The following N4BP2 variants were observed in gnomAD, a reference collection of about 807,000 sequenced individuals.
N4BP2 encodes the protein NEDD4 binding protein 2, also known as NEDD4-binding protein 2.
A neutral mutation model predicts 152.8 loss-of-function variants in N4BP2; 91 were observed. That is an observed-to-expected ratio of 0.60 (90% CI 0.50 to 0.71). The LOEUF (loss-of-function observed/expected upper bound fraction) is 0.71. Ranked by LOEUF, N4BP2 falls within the 30% of genes least tolerant of loss-of-function variation. The probability of loss-of-function intolerance (pLI) is 0.00; values close to 1 mark genes in which losing one functional copy is unlikely to be tolerated. For missense variants in N4BP2, 1,923 were observed against 2,059.1 expected, an observed-to-expected ratio of 0.93 and a Z score of 1.28; for synonymous variants, 646 against 705.3, an observed-to-expected ratio of 0.92 and a Z score of 1.33.
At chr4:40,078,395 C>G (rs1377962584) in intron 2 of N4BP2, among the ~76,000 whole-genome samples, 1 of 152,076 alleles carries the variant, frequency 6.6e-6, no homozygotes, top group Non-Finnish European at 1.5e-5. Flanking sequence ...CCTCGGCCAC[C>G]CAAAGTGCTG....
In N4BP2 at chr4:40,137,088, G is replaced by C. The variant is rs1315992710; in HGVS notation, c.4785+6G>C. 2 of 1,595,766 alleles carry C rather than the reference G, an allele frequency of 1.3e-6. No homozygotes were observed. The highest frequency in any genetic ancestry group is 8.5e-7 in the Non-Finnish European group (1 of 1,171,900). Reference sequence around the variant, plus strand: ...AGAAGTCTAAAGAGAAAAAGGTATGGAGTTACTAATTTTTTTTCTACAAGG... The same window carrying C: ...AGAAGTCTAAAGAGAAAAAGGTATGCAGTTACTAATTTTTTTTCTACAAGG... On this transcript the variant is annotated splice_donor_region_variant and intron_variant, in intron 14 of 17. Transcript: ENST00000261435.
chr4:40,183,007 G>T, the N4BP2 span, among the ~76,000 whole-genome samples: 1 of 152,072 alleles, frequency 6.6e-6, no homozygotes, highest in Admixed American at 6.6e-5. Flanking sequence ...TAAAAATTGT[G>T]TAAGTTCCAA....
In N4BP2 at chr4:40,126,226, T is replaced by A. The variant is rs1579089319; in HGVS notation, c.4423T>A (p.Ser1475Thr). 2 of 1,608,910 alleles carry A rather than the reference T, an allele frequency of 1.2e-6. No individual in the cohort carries two copies. Among genetic ancestry groups the A allele is most frequent in the Non-Finnish European group, 1.7e-6 (2 of 1,177,156 alleles). ...GKKLLKTLTA[S>T]EMLPLLDHWN... The stretch of plus-strand genomic sequence containing the variant: ...AAAATTACTGAAGACTTTAACAGCA[T>A]CTGAAATGCTACCTTTATTGGATCA... The change falls in exon 12 of 18, where the codon TCT (serine) becomes ACT (threonine). Residue 1475 changes from serine (S) to threonine (T), a missense_variant. Ser to Thr is a moderately conservative substitution (Grantham distance 58, BLOSUM62 1). Transcript: ENST00000261435.
Position 40,131,908 on chromosome 4 carries a change from C to G in N4BP2, c.4635C>G (p.Phe1545Leu), listed in dbSNP as rs746157362. The G allele has an allele frequency of 2.5e-6, 4 of 1,582,712 alleles. No individual in the cohort carries two copies. Among genetic ancestry groups the G allele is most frequent in the Non-Finnish European group, 2.6e-6 (3 of 1,151,724 alleles). Residue 1545 changes from phenylalanine to leucine, a missense_variant, in exon 13 of 18, where the codon TTC becomes TTG. Coordinates refer to ENST00000261435, the MANE Select transcript of N4BP2 (RefSeq NM_018177.6). ...AINQNFLVDI[F>L]KDHNYSLEHT... ...ACCAAAATTTTCTGGTGGACATTTT[C>G]AAGGACCACAAGTGAGTGCTAGAAG...
At chr4:40,149,049 A>C (rs577006121) in intron 16 of N4BP2, among the ~76,000 whole-genome samples, 2 of 152,228 alleles carry the variant, frequency 1.3e-5, no homozygotes, top group African/African-American at 4.8e-5. Context: ...GAAAAATTTC[A>C]CTAGTTCTTT....
At chr4:40,142,059 G>T (rs1720042189) in intron 14 of N4BP2, 1 of 153,990 alleles carries the variant, frequency 6.5e-6, no homozygotes, top group Admixed American at 6.6e-5. Flanking sequence ...CTTCGGCTCG[G>T]TATCAGAGGG....
chr4:40,158,568 C>T (rs9990921), downstream of N4BP2, among the ~76,000 whole-genome samples: 4,150 of 152,116 alleles, frequency 0.027, 184 homozygotes, highest in African/African-American at 0.094. Context: ...GAGGCTGAGA[C>T]GGGCAGGTTG....
chr4:40,123,272 C>A, intron 10 of N4BP2, 60 bp downstream of exon 10: 1 of 1,138,724 alleles, frequency 8.8e-7, no homozygotes, highest in Non-Finnish European at 1.3e-6. Context: ...CTTTGAATTT[C>A]AGTGAAATCT....
chr4:40,168,061 C>T, the N4BP2 span, among the ~76,000 whole-genome samples: 1 of 151,452 alleles, frequency 6.6e-6, no homozygotes, highest in African/African-American at 2.4e-5. Flanking sequence ...AAAACATAAC[C>T]ACTAGTGGAG....
At chr4:40,175,909 T>C in the N4BP2 span, among the ~76,000 whole-genome samples, 1 of 144,244 alleles carries the variant, frequency 6.9e-6, no homozygotes, top group Non-Finnish European at 1.5e-5. Flanking sequence ...GCTAACACGG[T>C]GAAACCCCGT....
At chr4:40,092,747 G>A (rs1057366150) in intron 2 of N4BP2, among the ~76,000 whole-genome samples, 4 of 150,636 alleles carry the variant, frequency 2.7e-5, no homozygotes, top group African/African-American at 9.8e-5. Flanking sequence ...GGGTTCAAAC[G>A]ATTCTCTTGT....
intron 4 of N4BP2, among the ~76,000 whole-genome samples, chr4:40,103,630 G>A (rs994668592): frequency 1.3e-5 from 2 of 152,190 alleles, no homozygotes; most frequent in Non-Finnish European, 2.9e-5. Context: ...ATTATAGAGT[G>A]TTGTTAAATA....
intron 16 of N4BP2, among the ~76,000 whole-genome samples, chr4:40,150,783 A>G (rs1721085255): frequency 6.6e-6 from 1 of 152,350 alleles, no homozygotes; most frequent in Non-Finnish European, 1.5e-5. Context: ...AAATATATCA[A>G]TCAAATAGAA....
At chr4:40,088,369 A>G (rs370813320) in intron 2 of N4BP2, among the ~76,000 whole-genome samples, 253 of 152,316 alleles carry the variant, frequency 1.7e-3, no homozygotes, top group Admixed American at 3.5e-3. Context: ...AATATTTTTC[A>G]GAGTGACTGT....
intron 13 of N4BP2, among the ~76,000 whole-genome samples, chr4:40,135,377 T>G: frequency 3.3e-5 from 5 of 151,446 alleles, no homozygotes; most frequent in African/African-American, 1.2e-4. Flanking sequence ...GTTCCAAGTC[T>G]TTGCTATTGT....
chr4:40,098,033 G>A (rs925815943), intron 3 of N4BP2, among the ~76,000 whole-genome samples: 5 of 152,140 alleles, frequency 3.3e-5, no homozygotes, highest in African/African-American at 1.2e-4. Flanking sequence ...ATTGTACCTC[G>A]TTGAGAACCA....
At chr4:40,180,880 G>A in the N4BP2 span, among the ~76,000 whole-genome samples, 2 of 152,132 alleles carry the variant, frequency 1.3e-5, no homozygotes, top group Non-Finnish European at 2.9e-5. Flanking sequence ...GGCCAGGCAC[G>A]GTGGCTCACA....
chr4:40,123,006 G>A lies in N4BP2; in HGVS notation c.4199-121G>A, dbSNP rs1029584255. 5 of 581,840 alleles carry A rather than the reference G, an allele frequency of 8.6e-6. No individual in the cohort carries two copies. The Admixed American group carries it at 1.2e-4, about 14-fold the overall frequency. The allele number at this position is 581,840 out of a possible 1,614,324, so 36.0% of individuals were successfully genotyped here. A position where few individuals can be genotyped will look rare whatever the true frequency, so the allele number is the denominator to read the frequency against. On this transcript the variant is annotated intron_variant, in intron 9 of 17. Coordinates refer to ENST00000261435, the MANE Select transcript of N4BP2 (RefSeq NM_018177.6). ...ATACTCTAAGATTTAGTAAATAGAA[G>A]CATAAGTTAGGAATTAATAGTACAA...
chr4:40,120,174 C>T lies in N4BP2; in HGVS notation c.2063C>T (p.Ser688Phe). The T allele has an allele frequency of 6.2e-7, 1 of 1,613,496 alleles. No individual in the cohort carries two copies. Among genetic ancestry groups the T allele is most frequent in the African/African-American group, 1.3e-5 (1 of 75,022 alleles). Residue 688 changes from serine to phenylalanine, a missense_variant, in exon 9 of 18, where the codon TCT becomes TTT. Coordinates refer to ENST00000261435, the MANE Select transcript of N4BP2 (RefSeq NM_018177.6). ...LETPHMYFSDSESKLQATDKS... is the reference protein window; with the variant it reads ...LETPHMYFSDFESKLQATDKS... The stretch of plus-strand genomic sequence containing the variant: ...ACTCCACACATGTATTTTTCTGACT[C>T]TGAAAGCAAACTACAGGCAACAGAC...
Sources: allele counts gnomAD v4.1 joint callset (sites outside exome capture counted in the v4.1 genomes callset), GRCh38; gene constraint gnomAD v4.1.1; transcripts MANE v1.5; gene names NCBI Gene and HGNC (gene_info 2026-07-23, HGNC 2026-07-21).